Variants in NUP153 observed in about 807,000 individuals in gnomAD.
NUP153 encodes nucleoporin 153.
NUP153 carries 27 observed loss-of-function variants against 134.6 expected under a neutral mutation model. That is an observed-to-expected ratio of 0.20 (90% CI 0.15 to 0.28). The LOEUF (loss-of-function observed/expected upper bound fraction) is 0.28, where lower values mean the gene tolerates loss of function less well. NUP153 is among the 10% of genes least tolerant of loss of function. The pLI is 1.00. For synonymous variants in NUP153, 640 were observed against 623.5 expected (o/e 1.03, Z -0.40); for missense variants, 1,821 against 1,731.3 (o/e 1.05, Z -0.92).
At chr6:17,648,633 T>C (rs1286709375) in intron 12 of NUP153, among the ~76,000 whole-genome samples, 1 of 151,306 alleles carries the variant, frequency 6.6e-6, no homozygotes, top group East Asian at 1.9e-4. Flanking sequence ...TAAATAAATA[T>C]TTAAAAAAAA....
At chr6:17,636,061 T>C (rs1250019573) in intron 16 of NUP153, among the ~76,000 whole-genome samples, 2 of 152,080 alleles carry the variant, frequency 1.3e-5, no homozygotes, top group Non-Finnish European at 2.9e-5. Context: ...AGGCCGGGCA[T>C]GGTGGCTCAC....
rs765445878 is a variant in NUP153 at position 17,637,397 on chromosome 6, T to C, written c.2220A>G (p.Ile740Met). The C allele has an allele frequency of 1.2e-5, 19 of 1,614,118 alleles. No individual in the cohort carries two copies. The highest frequency in any genetic ancestry group is 1.6e-4 in the Middle Eastern group (1 of 6,084). The change falls in exon 16 of 22, where the codon ATA becomes ATG. Residue 740 changes from isoleucine (I) to methionine (M), a missense_variant. By Grantham distance (10) the Ile-to-Met change is conservative. Transcript: ENST00000262077. ...TCGGTGTTTCACAGGCTACACATTT[T>C]ATTGCTTCAGGTTTATTTTGCACTA... Reference protein sequence around the residue: ...TCLVQNKPEAIKCVACETPKP... With the variant: ...TCLVQNKPEAMKCVACETPKP...
At chr6:17,673,055 A>C (rs1321298407) in intron 5 of NUP153, among the ~76,000 whole-genome samples, 1 of 152,164 alleles carries the variant, frequency 6.6e-6, no homozygotes, top group African/African-American at 2.4e-5. Flanking sequence ...GCACACACAC[A>C]CACAAAAGAT....
At chr6:17,658,216 G>GTGAA (rs903407914) in intron 11 of NUP153, among the ~76,000 whole-genome samples, 24 of 152,326 alleles carry the variant, frequency 1.6e-4, no homozygotes, top group African/African-American at 4.8e-4. Flanking sequence ...GGTCAAGATG[G>GTGAA]TGAAACCCTG....
At chr6:17,635,104 CTTTT>C (rs59700511) in intron 16 of NUP153, among the ~76,000 whole-genome samples, 3,941 of 104,144 alleles carry the variant, frequency 0.038, 71 homozygotes, top group African/African-American at 0.13. Context: ...CTTGGCTTAT[CTTTT>C]TTTTTTTTTT....
In NUP153 at chr6:17,675,738, G is replaced by A; in HGVS notation, c.367C>T (p.Pro123Ser). 1 of 1,613,668 alleles carries A rather than the reference G, an allele frequency of 6.2e-7. No homozygotes were observed. The highest frequency in any genetic ancestry group is 8.5e-7 in the Non-Finnish European group (1 of 1,179,596). ...AGAGAAGGCCTTGTTAACACATCTG[G>A]ATAATTTGAAGCAGTACTAGTTGTT... ...PSTTSTASNYPDVLTRPSLHR... is the reference protein window; with the variant it reads ...PSTTSTASNYSDVLTRPSLHR... The change falls in exon 3 of 22, where the codon CCA becomes TCA. Residue 123 changes from proline (P) to serine (S), a missense_variant. By Grantham distance (74) the Pro-to-Ser change is moderately conservative. Transcript: ENST00000262077. This position sits in a 1 kb window ranked among gnomAD's most constrained non-coding sequence, Gnocchi z 4.4.
At chr6:17,670,403 A>G (rs1767831109) in intron 5 of NUP153, among the ~76,000 whole-genome samples, 1 of 152,196 alleles carries the variant, frequency 6.6e-6, no homozygotes, top group African/African-American at 2.4e-5. Flanking sequence ...TGACCCTGTT[A>G]AACTCGCTTA....
intron 1 of NUP153, among the ~76,000 whole-genome samples, chr6:17,698,339 T>C (rs1769800365): frequency 6.6e-6 from 1 of 152,122 alleles, no homozygotes; most frequent in Non-Finnish European, 1.5e-5. Flanking sequence ...ACGCCTGTAA[T>C]CTCAGTGCTT....
At chr6:17,691,433 C>A (rs1171584001) in intron 1 of NUP153, among the ~76,000 whole-genome samples, 4 of 152,160 alleles carry the variant, frequency 2.6e-5, no homozygotes, top group Admixed American at 2.6e-4. Context: ...TTCCATACTT[C>A]AAGACTTGAA....
At chr6:17,690,375 G>A (rs1012955532) in intron 1 of NUP153, among the ~76,000 whole-genome samples, 35 of 148,120 alleles carry the variant, frequency 2.4e-4, no homozygotes, top group South Asian at 2.1e-4. Flanking sequence ...GCGAGACTCC[G>A]TCTCAAAAAA....
At chr6:17,689,203 T>C (rs780956672) in intron 1 of NUP153, among the ~76,000 whole-genome samples, 4 of 151,804 alleles carry the variant, frequency 2.6e-5, no homozygotes, top group Admixed American at 1.3e-4. Flanking sequence ...CTGACCAACA[T>C]GGAGAAACCC....
At position 17,701,757 on chromosome 6, in the gene NUP153, C is replaced by T. The variant is rs577982428; in HGVS notation, c.111+4520G>A. Among the ~76,000 whole-genome samples the T allele has an allele frequency of 5.8e-5, 8 of 139,008 alleles. No homozygotes were observed. The South Asian group carries it at 6.8e-4, about 12-fold the overall frequency. 91.2% of individuals were successfully genotyped at this position (139,008 alleles called of 152,430 possible). ...CTGAGGCAGGAGAGCTGCTTGAACT[C>T]GGGAGGCAGAAGTTGCAGTGAGCCA... On this transcript the variant is annotated intron_variant, in intron 1 of 21. Transcript: ENST00000262077.
chr6:17,697,584 G>A (rs1769735813), intron 1 of NUP153, among the ~76,000 whole-genome samples: 1 of 152,136 alleles, frequency 6.6e-6, no homozygotes, highest in Non-Finnish European at 1.5e-5. Context: ...CTACTTGAGA[G>A]GCTGAGGGAG....
At chr6:17,632,613 T>C (rs781430553) in intron 17 of NUP153, 37 bp downstream of exon 17, 79 of 1,537,146 alleles carry the variant, frequency 5.1e-5, no homozygotes, top group Middle Eastern at 1.7e-4. Flanking sequence ...AAAAAGGCGC[T>C]TTACCATCAC....
Position 17,637,760 on chromosome 6 carries a change from C to A in NUP153, c.1857G>T (p.Ser619=). 6.3e-7 allele frequency: 1 copy of A among 1,596,820 alleles called. No individual in the cohort carries two copies. Among genetic ancestry groups the A allele is most frequent in the East Asian group, 2.2e-5 (1 of 44,788 alleles). ...GAGCAGCAACAGAATCTATCTTCGG[C>A]GATGCGAAACCTACAATGAACGAAG... The part of the protein sequence containing the change: ...LDILKSPGFA[S]PKIDSVAAQP... Residue 619 remains serine (S), a synonymous_variant, in exon 16 of 22, where the codon TCG becomes TCT. Transcript: ENST00000262077.
intron 11 of NUP153, chr6:17,651,982 C>A (rs1766517064): frequency 1.9e-6 from 1 of 533,022 alleles, no homozygotes. Flanking sequence ...GTGGTCCCAG[C>A]TACTTGGGAG....
At position 17,625,925 on chromosome 6, in the gene NUP153, T is replaced by C; in HGVS notation, c.3784A>G (p.Thr1262Ala). ...LLFSQDSKLA[T>A]TSSTGTAVTP... ...ACAGCTGTACCTGTGCTGGATGTGG[T>C]TGCTAGTTTGCTATCTTGAGAAAAT... The change falls in exon 19 of 22, where the codon ACC (threonine) becomes GCC (alanine). Residue 1262 changes from threonine to alanine, a missense_variant. Physicochemically the swap from Thr to Ala is moderately conservative, Grantham distance 58. Coordinates refer to ENST00000262077, the MANE Select transcript of NUP153 (RefSeq NM_005124.4). The surrounding 1 kb of genome is among the most constrained non-coding windows in gnomAD (Gnocchi z 4.7). 1 of 1,614,196 alleles carries C rather than the reference T, an allele frequency of 6.2e-7. No individual in the cohort carries two copies. Among genetic ancestry groups the C allele is most frequent in the Non-Finnish European group, 8.5e-7 (1 of 1,180,022 alleles).
At position 17,629,226 on chromosome 6, in the gene NUP153, G is replaced by T; in HGVS notation, c.2973C>A (p.Asn991Lys). The T allele has an allele frequency of 6.2e-7, 1 of 1,613,580 alleles. No individual in the cohort carries two copies. The highest frequency in any genetic ancestry group is 8.5e-7 in the Non-Finnish European group (1 of 1,179,834). ...ATTGAAATGGAGTTAAAGAAACTGGGTTGCTTAAACCAGAAGAAAGTCCAA... is the reference window on the plus strand; with the variant it reads ...ATTGAAATGGAGTTAAAGAAACTGGTTTGCTTAAACCAGAAGAAAGTCCAA... Reference protein sequence around the residue: ...FKFGLSSGLSNPVSLTPFQFG... With the variant: ...FKFGLSSGLSKPVSLTPFQFG... Residue 991 changes from asparagine to lysine, a missense_variant, in exon 18 of 22, where the codon AAC becomes AAA. Coordinates refer to ENST00000262077, the MANE Select transcript of NUP153 (RefSeq NM_005124.4).
intron 2 of NUP153, 108 bp downstream of exon 2, chr6:17,688,288 C>T: frequency 1.4e-6 from 1 of 726,554 alleles, no homozygotes; most frequent in South Asian, 1.8e-5. Flanking sequence ...ATCCTCTTCC[C>T]ATATGGTTTA....
Sources: gnomAD v4.1 joint callset for allele counts (sites outside exome capture counted in the v4.1 genomes callset) on GRCh38, gnomAD v4.1.1 for gene constraint, Gnocchi (gnomAD v3.1) non-coding constraint, MANE v1.5 for transcripts, NCBI Gene and HGNC (gene_info 2026-07-23, HGNC 2026-07-21) for gene names.